The following LHPP variants were observed in gnomAD, a reference collection of about 807,000 sequenced individuals.
LHPP encodes the protein hLHPP.
Under a neutral mutation model 30.3 loss-of-function variants are expected in LHPP, and 24 were observed. The ratio of observed to expected loss-of-function variants is 0.79; its 90% CI spans 0.57 to 1.11. The LOEUF (loss-of-function observed/expected upper bound fraction) is 1.11, where lower values mean the gene tolerates loss of function less well. Among genes scored for constraint, LHPP ranks in the 50% most tolerant of loss-of-function variants. The pLI is 0.00. For synonymous variants in LHPP, 150 were observed against 157.1 expected, an observed-to-expected ratio of 0.95 and a Z score of 0.34; for missense variants, 356 against 367.2, an observed-to-expected ratio of 0.97 and a Z score of 0.25.
At chr10:124,522,730 C>CCT (rs887987462) in intron 6 of LHPP, among the ~76,000 whole-genome samples, 13 of 149,840 alleles carry the variant, frequency 8.7e-5, no homozygotes, top group African/African-American at 1.3e-4. Context: ...CACGCCCCCC[C>CCT]CCAAGCACTG....
chr10:124,577,704 A>C (rs1423084895), intron 6 of LHPP, among the ~76,000 whole-genome samples: 1 of 152,034 alleles, frequency 6.6e-6, no homozygotes, highest in Non-Finnish European at 1.5e-5. Context: ...ATACACATGC[A>C]TGCACATGCA....
At chr10:124,587,681 A>G (rs1257013426) in intron 6 of LHPP, among the ~76,000 whole-genome samples, 1 of 140,876 alleles carries the variant, frequency 7.1e-6, no homozygotes, top group Non-Finnish European at 1.5e-5. Context: ...TGGAGATTGC[A>G]GTGAGCCAAG....
chr10:124,610,381 TGAGG>T (rs1283913293), intron 6 of LHPP, among the ~76,000 whole-genome samples: 5 of 149,924 alleles, frequency 3.3e-5, no homozygotes, highest in African/African-American at 7.5e-5. Flanking sequence ...GTGGAGCGGG[TGAGG>T]GTGCGGGTGA....
intron 2 of LHPP, among the ~76,000 whole-genome samples, chr10:124,485,118 C>T (rs1212680883): frequency 6.6e-6 from 1 of 151,926 alleles, no homozygotes; most frequent in African/African-American, 2.4e-5. Context: ...GTGGCGGGTG[C>T]TCCCTGGAAA....
rs112868791 is a variant in LHPP at position 124,501,617 on chromosome 10, A to G, written c.624+3489A>G. 2.6e-3 allele frequency among the ~76,000 whole-genome samples: 391 copies of G among 150,580 alleles called. 10 individuals carry two copies. Among genetic ancestry groups the G allele is most frequent in the African/African-American group, 8.4e-3 (340 of 40,312 alleles). On this transcript the variant is annotated intron_variant, in intron 5 of 6. Coordinates refer to ENST00000368842, the MANE Select transcript of LHPP (RefSeq NM_022126.4). Reference sequence around the variant, plus strand: ...ACTCTGTCTTAAAAAAAAAAAAAAAAAAAAGAAAAATATTCTGGAACTGGA... The same window carrying G: ...ACTCTGTCTTAAAAAAAAAAAAAAAGAAAAGAAAAATATTCTGGAACTGGA...
chr10:124,506,892 G>C lies in LHPP; in HGVS notation c.624+8764G>C, dbSNP rs571944543. Among the ~76,000 whole-genome samples, 17 of 35,568 alleles carry C rather than the reference G, an allele frequency of 4.8e-4. 1 individual carries two copies. The highest frequency in any genetic ancestry group is 1.7e-3 in the African/African-American group (14 of 8,410). 23.3% of individuals were successfully genotyped at this position (35,568 alleles called of 152,430 possible). On this transcript the variant is annotated intron_variant, in intron 5 of 6. Coordinates refer to ENST00000368842, the MANE Select transcript of LHPP (RefSeq NM_022126.4). The stretch of plus-strand genomic sequence containing the variant: ...GAGAGGTAGACAGGATTTCAGGTTG[G>C]GGGGTAGGGAGGATTTCAGGTTGGG...
At chr10:124,561,937 A>G (rs901636725) in intron 6 of LHPP, among the ~76,000 whole-genome samples, 1 of 152,226 alleles carries the variant, frequency 6.6e-6, no homozygotes, top group East Asian at 1.9e-4. Context: ...TAAAACAGCT[A>G]CTGGAAAAAT....
intron 1 of LHPP, 151 bp from the exon 2 acceptor site, chr10:124,483,988 C>T: frequency 1.5e-6 from 1 of 671,242 alleles, no homozygotes; most frequent in South Asian, 1.9e-5. Flanking sequence ...CTGAACACAT[C>T]CTGGATCAGC....
intron 6 of LHPP, among the ~76,000 whole-genome samples, chr10:124,537,736 C>T (rs866552482): frequency 3.3e-5 from 5 of 152,348 alleles, no homozygotes; most frequent in Non-Finnish European, 5.9e-5. Flanking sequence ...CTCCTGTGGG[C>T]CCCACTGCAG....
chr10:124,480,277 T>C (rs1401430439), intron 1 of LHPP, among the ~76,000 whole-genome samples: 1 of 152,098 alleles, frequency 6.6e-6, no homozygotes, highest in Non-Finnish European at 1.5e-5. Flanking sequence ...GCATTTCACA[T>C]CCGATTTTTC....
At chr10:124,492,792 C>T (rs1044047042) in intron 3 of LHPP, among the ~76,000 whole-genome samples, 21 of 152,166 alleles carry the variant, frequency 1.4e-4, no homozygotes, top group African/African-American at 9.7e-5. Context: ...CTCATTTACC[C>T]GGGCTGACCC....
intron 3 of LHPP, among the ~76,000 whole-genome samples, chr10:124,494,037 G>A (rs1399015835): frequency 2.0e-5 from 3 of 152,156 alleles, no homozygotes; most frequent in African/African-American, 7.2e-5. Flanking sequence ...TTCTCATTTT[G>A]ATTTCTGGAA....
intron 5 of LHPP, among the ~76,000 whole-genome samples, chr10:124,501,495 G>A (rs1049472499): frequency 3.3e-5 from 5 of 151,354 alleles, no homozygotes; most frequent in Non-Finnish European, 5.9e-5. Context: ...CTAGCCACTC[G>A]GGAGGCTGAG....
rs933367936 is a variant in LHPP at position 124,592,843 on chromosome 10, G to A, written c.717-20421G>A. 2.6e-5 allele frequency among the ~76,000 whole-genome samples: 4 copies of A among 152,256 alleles called. No individual in the cohort carries two copies. Among genetic ancestry groups the A allele is most frequent in the African/African-American group, 4.8e-5 (2 of 41,470 alleles). ...TCCGTCTAGGAATCGTCCAGGGCGC[G>A]GCAGCCCGCCAGGAGCCCGGGCAGC... On this transcript the variant is annotated intron_variant, in intron 6 of 6. Transcript: ENST00000368842. The surrounding 1 kb of genome is among the most constrained non-coding windows in gnomAD (Gnocchi z 6.2).
At chr10:124,597,035 C>T (rs561909267) in intron 6 of LHPP, among the ~76,000 whole-genome samples, 1 of 152,302 alleles carries the variant, frequency 6.6e-6, no homozygotes, top group South Asian at 2.1e-4. Context: ...GCTGGGTCTT[C>T]TGGCTTTCAT....
intron 6 of LHPP, among the ~76,000 whole-genome samples, chr10:124,554,602 C>G (rs921548465): frequency 3.9e-5 from 6 of 152,214 alleles, no homozygotes; most frequent in African/African-American, 1.4e-4. Flanking sequence ...CTGCTGCTGT[C>G]CTTGTCATCT....
chr10:124,595,129 G>A (rs1589703720), intron 6 of LHPP, among the ~76,000 whole-genome samples: 3 of 152,338 alleles, frequency 2.0e-5, no homozygotes, highest in Non-Finnish European at 4.4e-5. Flanking sequence ...ACTCTCCCCA[G>A]GTGACAGCCT....
At chr10:124,501,494 C>T (rs924752275) in intron 5 of LHPP, among the ~76,000 whole-genome samples, 1 of 149,946 alleles carries the variant, frequency 6.7e-6, no homozygotes, top group African/African-American at 2.5e-5. Flanking sequence ...CCTAGCCACT[C>T]GGGAGGCTGA....
chr10:124,574,999 C>T (rs1301860088), intron 6 of LHPP, among the ~76,000 whole-genome samples: 6 of 152,198 alleles, frequency 3.9e-5, no homozygotes, highest in Admixed American at 3.9e-4. Context: ...CCATCAGTAG[C>T]CATGCAACCT....
Sources: gnomAD v4.1 joint callset for allele counts (sites outside exome capture counted in the v4.1 genomes callset) on GRCh38, gnomAD v4.1.1 for gene constraint, Gnocchi (gnomAD v3.1) non-coding constraint, MANE v1.5 for transcripts, NCBI Gene and HGNC (gene_info 2026-07-23, HGNC 2026-07-21) for gene names.